BICD2: variants seen among roughly 807,000 people sequenced by gnomAD.
BICD2 encodes protein bicaudal D homolog 2.
Under a neutral mutation model 72.9 loss-of-function variants are expected in BICD2, and 25 were observed. The ratio of observed to expected loss-of-function variants is 0.34; its 90% confidence interval spans 0.25 to 0.48. BICD2 has a LOEUF of 0.48. BICD2 is among the 20% of genes least tolerant of loss of function. The pLI, the probability that BICD2 is intolerant of heterozygous loss-of-function variation, is 0.99. For synonymous variants in BICD2, 501 were observed against 516.1 expected (o/e 0.97, Z 0.40); for missense variants, 894 against 1,175.2 (o/e 0.76, Z 3.50).
At chr9:92,751,542 A>G (rs752953851) in intron 1 of BICD2, among the ~76,000 whole-genome samples, 3 of 152,188 alleles carry the variant, frequency 2.0e-5, no homozygotes, top group Non-Finnish European at 4.4e-5. Context: ...ATTGTTTCCC[A>G]TGGGGACCCA....
At chr9:92,718,517 C>T in intron 5 of BICD2, 22 bp downstream of exon 5, 1 of 1,590,370 alleles carries the variant, frequency 6.3e-7, no homozygotes, top group Non-Finnish European at 8.6e-7. Context: ...GTGACATGTG[C>T]CCCTGCTGCC....
At chr9:92,745,399 C>T (rs1272758694) in intron 1 of BICD2, among the ~76,000 whole-genome samples, 1 of 151,130 alleles carries the variant, frequency 6.6e-6, no homozygotes, top group Non-Finnish European at 1.5e-5. Context: ...AGAGGCAGTG[C>T]GGTGAGGGGA....
rs934773425 is a variant in BICD2, at chr9:92,720,942, A to C, written c.607-187T>G. Among the ~76,000 whole-genome samples, 5 of 152,342 alleles carry C rather than the reference A, an allele frequency of 3.3e-5. No homozygotes were observed. Among genetic ancestry groups the C allele is most frequent in the South Asian group, 2.1e-4 (1 of 4,830 alleles). On this transcript the variant is annotated intron_variant, in intron 3 of 6. Coordinates refer to ENST00000356884, the MANE Select transcript of BICD2 (RefSeq NM_001003800.2). This position sits in a 1 kb window ranked among gnomAD's most constrained non-coding sequence, Gnocchi z 5.4. ...GGCCAAGACTGCTTCCTCTGCTCAGAGATGTGGATGCTAAGAAGGTTCCAG... is the reference window on the plus strand; with the variant it reads ...GGCCAAGACTGCTTCCTCTGCTCAGCGATGTGGATGCTAAGAAGGTTCCAG...
intron 1 of BICD2, among the ~76,000 whole-genome samples, chr9:92,763,346 G>A (rs766596830): frequency 6.6e-6 from 1 of 152,152 alleles, no homozygotes; most frequent in Non-Finnish European, 1.5e-5. Flanking sequence ...AGAGCCAAGG[G>A]CTCACCAGGA....
At chr9:92,726,432 T>C (rs1188890415) in intron 2 of BICD2, among the ~76,000 whole-genome samples, 1 of 152,166 alleles carries the variant, frequency 6.6e-6, no homozygotes, top group Non-Finnish European at 1.5e-5. Flanking sequence ...AAATGTACCC[T>C]TTCTGACCCA....
intron 1 of BICD2, among the ~76,000 whole-genome samples, chr9:92,755,543 C>T (rs1361534439): frequency 2.0e-5 from 3 of 152,316 alleles, no homozygotes; most frequent in African/African-American, 7.2e-5. Context: ...GGATGCCCAG[C>T]TTTAAAATTT....
chr9:92,745,184 A>C (rs1368746672), intron 1 of BICD2, among the ~76,000 whole-genome samples: 1 of 152,180 alleles, frequency 6.6e-6, no homozygotes, highest in African/African-American at 2.4e-5. Flanking sequence ...CCCCACAAAC[A>C]GATGTACAGC....
rs1853276595 is a variant in BICD2 at position 92,715,175 on chromosome 9, C to A, written c.2547G>T (p.Lys849Asn). The A allele has an allele frequency of 2.5e-6, 4 of 1,600,430 alleles. No individual in the cohort carries two copies. The highest frequency in any genetic ancestry group is 1.8e-4 in the Middle Eastern group (1 of 5,672). The change falls in exon 7 of 7, where the codon AAG (lysine) becomes AAT (asparagine). Residue 849 changes from lysine to asparagine, a missense_variant. Coordinates refer to ENST00000356884, the MANE Select transcript of BICD2 (RefSeq NM_001003800.2). ...GCCCCTAATCACAGTAAATGCTGTG[C>A]TTCTCGCTGCAGAACACCTGGTTGG... is the stretch of plus-strand genomic sequence containing the variant. ...GLANQVFCSE[K>N]HSIYCD is the part of the protein sequence containing the mutation.
intron 1 of BICD2, among the ~76,000 whole-genome samples, chr9:92,760,223 C>T (rs1264850905): frequency 2.0e-5 from 3 of 152,110 alleles, no homozygotes. Context: ...CAGGGGCTCC[C>T]AGCACTGGGC....
At chr9:92,761,541 C>T (rs1250828823) in intron 1 of BICD2, among the ~76,000 whole-genome samples, 1 of 152,190 alleles carries the variant, frequency 6.6e-6, no homozygotes, top group Non-Finnish European at 1.5e-5. Flanking sequence ...CTCAGACCTC[C>T]CCCATTACCC....
chr9:92,758,786 G>A lies in BICD2; in HGVS notation c.240+5719C>T, dbSNP rs538528876. On this transcript the variant is annotated intron_variant, in intron 1 of 6. Coordinates refer to ENST00000356884, the MANE Select transcript of BICD2 (RefSeq NM_001003800.2). ...GGAGAATCGCTGGAACCTGGGAGGCGGAGGTTGTGGTGAGCCAAGATCGCG... is the reference window on the plus strand; with the variant it reads ...GGAGAATCGCTGGAACCTGGGAGGCAGAGGTTGTGGTGAGCCAAGATCGCG... Among the ~76,000 whole-genome samples, 12 of 151,634 alleles carry A rather than the reference G, an allele frequency of 7.9e-5. No homozygotes were observed. In the South Asian group the frequency reaches 1.0e-3, roughly 13 times the overall value.
At chr9:92,730,055 C>T (rs930782707) in intron 1 of BICD2, among the ~76,000 whole-genome samples, 1 of 152,176 alleles carries the variant, frequency 6.6e-6, no homozygotes, top group Non-Finnish European at 1.5e-5. Flanking sequence ...GGCGAGTGGC[C>T]CAGCCTCCAA....
chr9:92,718,967 C>T lies in BICD2; in HGVS notation c.1678G>A (p.Gly560Ser). 6.2e-7 allele frequency: 1 copy of T among 1,610,412 alleles called. No homozygotes were observed. The highest frequency in any genetic ancestry group is 1.7e-5 in the Admixed American group (1 of 60,018). Residue 560 changes from glycine (G) to serine (S), a missense_variant, in exon 5 of 7, where the codon GGC becomes AGC. Around this residue, in one of 5 missense-constraint regions of BICD2, gnomAD observed 321 missense variants for 443.9 expected, o/e 0.72. Transcript: ENST00000356884. ...CTGGTGCGGCCGGCCCCGCCCTGGC[C>T]CTCGCGGTAGTAGTCCAGCATGACA... ...NRVMLDYYRE[G>S]QGGAGRTSPG...
intron 1 of BICD2, among the ~76,000 whole-genome samples, chr9:92,745,863 T>C (rs1854001005): frequency 6.6e-6 from 1 of 152,188 alleles, no homozygotes; most frequent in African/African-American, 2.4e-5. Flanking sequence ...TGGCCCACAG[T>C]GCTCAATTGT....
intron 1 of BICD2, among the ~76,000 whole-genome samples, chr9:92,734,456 G>A (rs1853736635): frequency 2.7e-5 from 4 of 150,372 alleles, no homozygotes; most frequent in Admixed American, 2.7e-4. Context: ...GGAGGTTCCA[G>A]TGAGTCATGA....
chr9:92,719,683 G>C, intron 4 of BICD2, 101 bp from the exon 5 acceptor site: 1 of 1,297,276 alleles, frequency 7.7e-7, no homozygotes, highest in Admixed American at 2.6e-5. Context: ...CCCATGTCAG[G>C]GCAGGCTGTC....
At chr9:92,725,125 G>A (rs10491804) in intron 2 of BICD2, among the ~76,000 whole-genome samples, 48,619 of 152,120 alleles carry the variant, frequency 0.32, 9,143 homozygotes, top group African/African-American at 0.51. Context: ...CTGAAGCAGA[G>A]AGCCTGGCCA....
intron 1 of BICD2, among the ~76,000 whole-genome samples, chr9:92,751,434 G>GAGCCC (rs1854148075): frequency 6.6e-6 from 1 of 152,110 alleles, no homozygotes; most frequent in African/African-American, 2.4e-5. Flanking sequence ...GTGAGCCACT[G>GAGCCC]AGCCCAGCCC....
intron 1 of BICD2, among the ~76,000 whole-genome samples, chr9:92,760,938 ACAAT>A (rs1404265119): frequency 1.3e-5 from 2 of 152,206 alleles, no homozygotes; most frequent in South Asian, 2.1e-4. Context: ...CTGGAAGCAA[ACAAT>A]CAAAGAGGCT....
Sources: allele counts gnomAD v4.1 joint callset (sites outside exome capture counted in the v4.1 genomes callset), GRCh38; gene constraint gnomAD v4.1.1; regional missense constraint gnomAD v4.1.1; non-coding constraint Gnocchi (gnomAD v3.1); transcripts MANE v1.5; gene names NCBI Gene and HGNC (gene_info 2026-07-23, HGNC 2026-07-21).